The following ANKRD36 variants were observed in gnomAD, a reference collection of about 807,000 sequenced individuals.
ANKRD36 encodes ankyrin repeat domain-containing protein 36A.
Under a neutral mutation model 278.1 loss-of-function variants are expected in ANKRD36, and 179 were observed. The ratio of observed to expected loss-of-function variants is 0.64; its 90% CI spans 0.57 to 0.73. ANKRD36 has a LOEUF of 0.73. Ranked by LOEUF, ANKRD36 falls within the 30% of genes least tolerant of loss-of-function variation. ANKRD36 has a pLI of 0.00. For synonymous variants in ANKRD36, 320 were observed against 641.1 expected (o/e 0.50, Z 7.57); for missense variants, 1,159 against 1,956.7 (o/e 0.59, Z 7.69).
At chr2:97,171,547 G>T (rs1299589177) in intron 22 of ANKRD36, among the ~76,000 whole-genome samples, 4 of 107,888 alleles carry the variant, frequency 3.7e-5, no homozygotes, top group Admixed American at 2.0e-4. Flanking sequence ...TCTGGGGACT[G>T]TGGTGGGGTG....
chr2:97,183,716 C>T, intron 28 of ANKRD36, 62 bp downstream of exon 28: 2 of 1,493,710 alleles, frequency 1.3e-6, no homozygotes, highest in Non-Finnish European at 1.8e-6. Flanking sequence ...CGTCCCACCC[C>T]TGAATAGATC....
intron 64 of ANKRD36, among the ~76,000 whole-genome samples, chr2:97,218,566 A>T (rs1053003870): frequency 6.6e-6 from 1 of 151,718 alleles, no homozygotes; most frequent in Non-Finnish European, 1.5e-5. Context: ...CGTGAAGTGT[A>T]TGTTCAACTG....
intron 56 of ANKRD36, among the ~76,000 whole-genome samples, chr2:97,210,941 T>G (rs1319812206): frequency 6.6e-6 from 1 of 151,858 alleles, no homozygotes; most frequent in Non-Finnish European, 1.5e-5. Context: ...ACAAGAAACT[T>G]AGGAAAATTA....
In ANKRD36 at chr2:97,113,641, C is replaced by T. The variant is rs952688358; in HGVS notation, c.-99C>T. Reference sequence around the variant, plus strand: ...GGCGCTGAGAGTCTGTGCGGAGGTCCGTGGACAGACTGCTTTGCTCGTTGT... The same window carrying T: ...GGCGCTGAGAGTCTGTGCGGAGGTCTGTGGACAGACTGCTTTGCTCGTTGT... On this transcript the variant is annotated 5_prime_UTR_variant, in exon 1 of 76. Transcript: ENST00000420699. 41 of 1,501,056 alleles carry T rather than the reference C, an allele frequency of 2.7e-5. No individual in the cohort carries two copies. The Admixed American group carries it at 5.2e-4, about 19-fold the overall frequency. The allele number at this position is 1,501,056 out of a possible 1,614,324, so 93.0% of individuals were successfully genotyped here.
intron 62 of ANKRD36, 104 bp downstream of exon 62, chr2:97,215,601 T>A (rs2153637034): frequency 6.4e-7 from 1 of 1,562,286 alleles, no homozygotes; most frequent in African/African-American, 1.4e-5. Context: ...ATGTTTGGAT[T>A]CAGCATGCCT....
Position 97,211,751 on chromosome 2 carries a change from C to A in ANKRD36, c.3469+10C>A. ...CAAATATCTGGGACAGGTAATTTTG[C>A]AAACACATTTAATATGATGTTCGGT... On this transcript the variant is annotated intron_variant, in intron 58 of 75. Coordinates refer to ENST00000420699, the MANE Select transcript of ANKRD36 (RefSeq NM_001354587.1). 6.4e-7 allele frequency: 1 copy of A among 1,569,914 alleles called. No individual in the cohort carries two copies. Among genetic ancestry groups the A allele is most frequent in the Non-Finnish European group, 8.6e-7 (1 of 1,157,796 alleles).
At chr2:97,210,957 C>T (rs927069439) in intron 56 of ANKRD36, among the ~76,000 whole-genome samples, 25 of 151,864 alleles carry the variant, frequency 1.6e-4, no homozygotes, top group Non-Finnish European at 3.2e-4. Context: ...AATTATTACA[C>T]CACATGGGGG....
At position 97,231,061 on chromosome 2, in the gene ANKRD36, CT is replaced by C. The variant is rs1413917757; in HGVS notation, c.3952-2668del. Among the ~76,000 whole-genome samples, 4 of 152,230 alleles carry C rather than the reference CT, an allele frequency of 2.6e-5. No homozygotes were observed. The East Asian group carries it at 7.8e-4, about 30-fold the overall frequency. On this transcript the variant is annotated intron_variant, in intron 67 of 75. Coordinates refer to ENST00000420699, the MANE Select transcript of ANKRD36 (RefSeq NM_001354587.1). ...TCAGTCTGCCCCTACCTGGGGGTGCCTCCCAGTTAGGCTGCTCGGGGGTCAG... is the reference window on the plus strand; with the variant it reads ...TCAGTCTGCCCCTACCTGGGGGTGCCCCCAGTTAGGCTGCTCGGGGGTCAG...
intron 46 of ANKRD36, among the ~76,000 whole-genome samples, 179 bp downstream of exon 46, chr2:97,200,704 C>G (rs1319514422): frequency 6.6e-6 from 1 of 151,864 alleles, no homozygotes; most frequent in Non-Finnish European, 1.5e-5. Context: ...ATGATCTTCG[C>G]TGTAAGATTA....
At chr2:97,202,087 A>C (rs111558429) in intron 46 of ANKRD36, 115 bp from the exon 47 acceptor site, 2 of 1,559,564 alleles carry the variant, frequency 1.3e-6, no homozygotes, top group Admixed American at 3.8e-5. Context: ...AGAAGCCATG[A>C]AGGCCTATGC....
Position 97,204,182 on chromosome 2 carries a change from T to C in ANKRD36, c.2989-9T>C, listed in dbSNP as rs1174219479. On this transcript the variant is annotated splice_polypyrimidine_tract_variant and intron_variant, in intron 49 of 75. Transcript: ENST00000420699. ...ATTAATTTATTATTTCATTTCAAATTCCATTCAGGCTACAAGTGATGAGAA... is the reference window on the plus strand; with the variant it reads ...ATTAATTTATTATTTCATTTCAAATCCCATTCAGGCTACAAGTGATGAGAA... 6.3e-7 allele frequency: 1 copy of C among 1,582,678 alleles called. No individual in the cohort carries two copies. Among genetic ancestry groups the C allele is most frequent in the East Asian group, 2.3e-5 (1 of 42,980 alleles).
intron 56 of ANKRD36, 113 bp from the exon 57 acceptor site, chr2:97,211,433 G>T: frequency 1.3e-6 from 2 of 1,485,746 alleles, no homozygotes; most frequent in South Asian, 1.2e-5. Flanking sequence ...AAGCCGTCAA[G>T]GCCTACACTA....
chr2:97,118,746 A>G, intron 3 of ANKRD36: 1 of 255,762 alleles, frequency 3.9e-6, no homozygotes, highest in Non-Finnish European at 6.8e-6. Context: ...TATAAAAACA[A>G]ATGAATTACA....
At chr2:97,191,297 T>A in intron 36 of ANKRD36, 116 bp downstream of exon 36, 1 of 1,216,106 alleles carries the variant, frequency 8.2e-7, no homozygotes, top group Non-Finnish European at 1.1e-6. Context: ...TCAGCTGTCC[T>A]GAGATTCTTC....
At chr2:97,194,995 CT>C (rs1276970303) in intron 40 of ANKRD36, 78 bp downstream of exon 40, 1 of 1,512,538 alleles carries the variant, frequency 6.6e-7, no homozygotes, top group African/African-American at 1.4e-5. Flanking sequence ...CAGTGGGGGG[CT>C]GGTCAAAGAT....
chr2:97,128,261 T>G (rs7569893), intron 6 of ANKRD36, among the ~76,000 whole-genome samples: 88,499 of 150,682 alleles, frequency 0.59, 30,184 homozygotes, highest in Non-Finnish European at 0.78. Flanking sequence ...AGATGTAGAA[T>G]GAGAAGCTAT....
At chr2:97,212,426 G>A (rs1360799919) in intron 58 of ANKRD36, among the ~76,000 whole-genome samples, 10 of 152,014 alleles carry the variant, frequency 6.6e-5, no homozygotes, top group Non-Finnish European at 1.0e-4. Flanking sequence ...TTAGGCATCA[G>A]AGATACATGT....
intron 40 of ANKRD36, 62 bp downstream of exon 40, chr2:97,194,979 A>G (rs2059369634): frequency 6.5e-7 from 1 of 1,528,284 alleles, no homozygotes; most frequent in Non-Finnish European, 8.8e-7. Context: ...TCTTCCCCGA[A>G]TAAATCAGTG....
intron 34 of ANKRD36, among the ~76,000 whole-genome samples, chr2:97,190,538 G>T (rs1307089011): frequency 1.3e-5 from 2 of 150,232 alleles, no homozygotes; most frequent in Admixed American, 1.3e-4. Flanking sequence ...TCAGTTATTG[G>T]GCAAGTTAAA....
Sources: gnomAD v4.1 joint callset for allele counts (sites outside exome capture counted in the v4.1 genomes callset) on GRCh38, gnomAD v4.1.1 for gene constraint, MANE v1.5 for transcripts, NCBI Gene and HGNC (gene_info 2026-07-23, HGNC 2026-07-21) for gene names.